ZSWIM5: variants seen among roughly 807,000 people sequenced by gnomAD.
ZSWIM5 encodes zinc finger SWIM-type containing 5, also known as zinc finger SWIM domain-containing protein 5.
In ZSWIM5, 55 loss-of-function variants were observed where a neutral mutation model predicts 119.6. The observed-to-expected ratio is 0.46, with a 90% CI of 0.37 to 0.58. The LOEUF (loss-of-function observed/expected upper bound fraction) is 0.58. Ranked by LOEUF, ZSWIM5 falls within the 20% of genes least tolerant of loss-of-function variation. The pLI, the probability that ZSWIM5 is intolerant of heterozygous loss-of-function variation, is 0.00. For missense variants in ZSWIM5, 1,193 were observed against 1,512.8 expected, an observed-to-expected ratio of 0.79 and a Z score of 3.51; for synonymous variants, 537 against 606.9, an observed-to-expected ratio of 0.88 and a Z score of 1.69.
intron 11 of ZSWIM5, among the ~76,000 whole-genome samples, chr1:45,030,544 G>A (rs974755076): frequency 2.2e-4 from 33 of 152,198 alleles, no homozygotes; most frequent in African/African-American, 7.7e-4. Context: ...ACTGAGCCTG[G>A]CCCTGGCTTT....
At chr1:45,033,237 C>T (rs1181855529) in intron 11 of ZSWIM5, among the ~76,000 whole-genome samples, 1 of 152,090 alleles carries the variant, frequency 6.6e-6, no homozygotes, top group Non-Finnish European at 1.5e-5. Flanking sequence ...CGATTTGTAT[C>T]TCCTTTTCTG....
At chr1:45,114,472 A>T (rs1309404790) in intron 1 of ZSWIM5, among the ~76,000 whole-genome samples, 1 of 152,220 alleles carries the variant, frequency 6.6e-6, no homozygotes, top group Admixed American at 6.5e-5. Flanking sequence ...GAGCTTCAAA[A>T]TACATGAAGC....
At chr1:45,093,295 T>C (rs1645378678) in intron 1 of ZSWIM5, among the ~76,000 whole-genome samples, 1 of 152,264 alleles carries the variant, frequency 6.6e-6, no homozygotes, top group African/African-American at 2.4e-5. Context: ...TTTCAGTTTT[T>C]ACAGCATTGG....
rs1424214497 is a variant in ZSWIM5 at position 45,088,607 on chromosome 1, CT to C, written c.596-371del. On this transcript the variant is annotated intron_variant, in intron 1 of 13. Coordinates refer to ENST00000359600, the MANE Select transcript of ZSWIM5 (RefSeq NM_020883.2). The surrounding 1 kb of genome is among the most constrained non-coding windows in gnomAD (Gnocchi z 4.2). ...GGACCCCTGTAGTAGATTTTCAGCTCTAGGTGGTAGGCAAAGACAAGTCTAC... is the reference window on the plus strand; with the variant it reads ...GGACCCCTGTAGTAGATTTTCAGCTCAGGTGGTAGGCAAAGACAAGTCTAC... 6.6e-6 allele frequency among the ~76,000 whole-genome samples: 1 copy of C among 151,992 alleles called. No individual in the cohort carries two copies.
intron 4 of ZSWIM5, among the ~76,000 whole-genome samples, chr1:45,055,034 T>C (rs1371071151): frequency 2.6e-5 from 4 of 151,868 alleles, no homozygotes; most frequent in African/African-American, 4.8e-5. Flanking sequence ...TTGTGTCGCC[T>C]AGGCTGGAGT....
rs1274471974 is a variant in ZSWIM5, at chr1:45,115,355, G to A, written c.596-27118C>T. 5.3e-5 allele frequency among the ~76,000 whole-genome samples: 8 copies of A among 152,046 alleles called. No homozygotes were observed. The South Asian group carries it at 8.3e-4, about 16-fold the overall frequency. ...CATTTCCCAGACGGGGTGGCTGCCG[G>A]GCGGAGGGGCTCCTCACTTCCCAGA... is the stretch of plus-strand genomic sequence containing the variant. On this transcript the variant is annotated intron_variant, in intron 1 of 13. Coordinates refer to ENST00000359600, the MANE Select transcript of ZSWIM5 (RefSeq NM_020883.2).
rs115912904 is a variant in ZSWIM5, at chr1:45,130,247, T to C, written c.596-42010A>G. Among the ~76,000 whole-genome samples, 703 of 152,300 alleles carry C rather than the reference T, an allele frequency of 4.6e-3. 8 individuals carry two copies. The highest frequency in any genetic ancestry group is 0.016 in the African/African-American group (662 of 41,564). On this transcript the variant is annotated intron_variant, in intron 1 of 13. Transcript: ENST00000359600. ...GGAGTTCGTCAAAATTACAAACTCT[T>C]GCTCTATTAAAGAACCTATTAATAG...
At chr1:45,185,007 A>G (rs1646048121) in intron 1 of ZSWIM5, among the ~76,000 whole-genome samples, 1 of 152,246 alleles carries the variant, frequency 6.6e-6, no homozygotes, top group Non-Finnish European at 1.5e-5. Flanking sequence ...CTATACTACA[A>G]GGCTACAGTA....
intron 1 of ZSWIM5, among the ~76,000 whole-genome samples, chr1:45,102,922 G>T (rs1401210263): frequency 6.6e-6 from 1 of 152,072 alleles, no homozygotes; most frequent in Non-Finnish European, 1.5e-5. Flanking sequence ...GAATGTACTG[G>T]CATGATCACG....
intron 1 of ZSWIM5, among the ~76,000 whole-genome samples, chr1:45,115,510 C>A (rs566199734): frequency 6.7e-6 from 1 of 149,584 alleles, no homozygotes; most frequent in South Asian, 2.1e-4. Context: ...GGGTCGCGGC[C>A]GGGCAGAGGC....
rs77985743 is a variant in ZSWIM5, at chr1:45,109,876, T to G, written c.596-21639A>C. On this transcript the variant is annotated intron_variant, in intron 1 of 13. Transcript: ENST00000359600. Reference sequence around the variant, plus strand: ...ACGCTCTATGTACTATATTTTTCCTTTTTTTTTAGGCAAGGTCTCGCTGTG... The same window carrying G: ...ACGCTCTATGTACTATATTTTTCCTGTTTTTTTAGGCAAGGTCTCGCTGTG... 4.7e-3 allele frequency among the ~76,000 whole-genome samples: 715 copies of G among 151,968 alleles called. 4 individuals are homozygous for G. The highest frequency in any genetic ancestry group is 0.015 in the African/African-American group (628 of 41,440).
intron 1 of ZSWIM5, among the ~76,000 whole-genome samples, chr1:45,153,487 C>A (rs1645810075): frequency 6.9e-6 from 1 of 144,366 alleles, no homozygotes; most frequent in Non-Finnish European, 1.5e-5. Context: ...ATCTGGGCAA[C>A]AGAGTGAGAC....
intron 1 of ZSWIM5, among the ~76,000 whole-genome samples, chr1:45,125,052 T>C (rs79707103): frequency 0.015 from 2,182 of 146,434 alleles, 65 homozygotes; most frequent in African/African-American, 0.058. Context: ...GGAATAAATA[T>C]ATAGAAGAAC....
intron 1 of ZSWIM5, among the ~76,000 whole-genome samples, chr1:45,152,413 G>A (rs531888025): frequency 6.6e-6 from 1 of 152,046 alleles, no homozygotes; most frequent in Non-Finnish European, 1.5e-5. Context: ...ATCAGGAGTT[G>A]GTGATGGGTT....
chr1:45,118,466 G>A (rs1431336306), intron 1 of ZSWIM5, among the ~76,000 whole-genome samples: 2 of 152,122 alleles, frequency 1.3e-5, no homozygotes, highest in Non-Finnish European at 2.9e-5. Context: ...TTTTGGTGGG[G>A]CGAGGTGGCC....
At position 45,018,744 on chromosome 1, in the gene ZSWIM5, C is replaced by G. The variant is rs958165026; in HGVS notation, c.3268G>C (p.Gly1090Arg). 29 of 1,614,108 alleles carry G rather than the reference C, an allele frequency of 1.8e-5. No homozygotes were observed. Among genetic ancestry groups the G allele is most frequent in the Non-Finnish European group, 2.4e-5 (28 of 1,180,056 alleles). The part of the protein sequence containing the change: ...RCTVTAPGLA[G>R]IPGRRSSGKL... Reference sequence around the variant, plus strand: ...CCAGAGCTTCGGCGGCCTGGGATGCCGGCCAGGCCAGGTGCAGTCACTGTG... The same window carrying G: ...CCAGAGCTTCGGCGGCCTGGGATGCGGGCCAGGCCAGGTGCAGTCACTGTG... Residue 1090 changes from glycine (G) to arginine (R), a missense_variant, in exon 14 of 14, where the codon GGC becomes CGC. Physicochemically the swap from Gly to Arg is moderately radical, Grantham distance 125. Around this residue, in one of 2 missense-constraint regions of ZSWIM5, gnomAD observed 961 missense variants for 1,290.0 expected, o/e 0.74. Transcript: ENST00000359600. This position sits in a 1 kb window ranked among gnomAD's most constrained non-coding sequence, Gnocchi z 6.7.
Position 45,072,078 on chromosome 1 carries a change from C to CAATTGTTATATTCTCTTA in ZSWIM5, c.953-11832_953-11831insTAAGAGAATATAACAATT, listed in dbSNP as rs1645225324. On this transcript the variant is annotated intron_variant, in intron 2 of 13. Coordinates refer to ENST00000359600, the MANE Select transcript of ZSWIM5 (RefSeq NM_020883.2). This position sits in a 1 kb window ranked among gnomAD's most constrained non-coding sequence, Gnocchi z 4.1. ...GGGTTCCCTTTTCTCCACATCCTCA[C>CAATTGTTATATTCTCTTA]CAGCACTTCTTATTGCCTGTCTTTT... 6.0e-5 allele frequency among the ~76,000 whole-genome samples: 9 copies of CAATTGTTATATTCTCTTA among 150,538 alleles called. No individual in the cohort carries two copies. Among genetic ancestry groups the CAATTGTTATATTCTCTTA allele is most frequent in the African/African-American group, 2.3e-4 (9 of 39,846 alleles).
chr1:45,046,763 T>C (rs1028135053), intron 5 of ZSWIM5, among the ~76,000 whole-genome samples: 2 of 151,636 alleles, frequency 1.3e-5, no homozygotes, highest in Non-Finnish European at 2.9e-5. Context: ...CGGTGGCTCA[T>C]TCCTGTAATC....
intron 1 of ZSWIM5, among the ~76,000 whole-genome samples, chr1:45,151,375 T>C (rs1219533261): frequency 1.3e-5 from 2 of 152,040 alleles, no homozygotes; most frequent in East Asian, 3.8e-4. Flanking sequence ...TATGGCTTGA[T>C]GGATGTTTGC....
Sources: allele counts gnomAD v4.1 joint callset (sites outside exome capture counted in the v4.1 genomes callset), GRCh38; gene constraint gnomAD v4.1.1; regional missense constraint gnomAD v4.1.1; non-coding constraint Gnocchi (gnomAD v3.1); transcripts MANE v1.5; gene names NCBI Gene and HGNC (gene_info 2026-07-23, HGNC 2026-07-21).